The following PCDHGA10 variants were observed in gnomAD, a reference collection of about 807,000 sequenced individuals.
The protein encoded by PCDHGA10 is protocadherin gamma subfamily A, 10, also known as protocadherin gamma-A10.
PCDHGA10 carries 42 observed loss-of-function variants against 59.5 expected under a neutral mutation model. The ratio of observed to expected loss-of-function variants is 0.71; its 90% CI spans 0.55 to 0.91. The LOEUF (loss-of-function observed/expected upper bound fraction) is 0.91, where lower values mean the gene tolerates loss of function less well. Among genes scored for constraint, PCDHGA10 ranks in the 40% least tolerant of loss-of-function variants. The pLI, the probability that PCDHGA10 is intolerant of heterozygous loss-of-function variation, is 0.00. For synonymous variants in PCDHGA10, 511 were observed against 517.2 expected (o/e 0.99, Z 0.16); for missense variants, 1,111 against 1,198.2 (o/e 0.93, Z 1.07).
rs889945954 is a variant in PCDHGA10, at chr5:141,489,368, C to A, written c.2437-5439C>A. The A allele has an allele frequency of 2.5e-6, 4 of 1,613,384 alleles. No homozygotes were observed. Among genetic ancestry groups the A allele is most frequent in the Non-Finnish European group, 3.4e-6 (4 of 1,179,478 alleles). On this transcript the variant is annotated intron_variant, in intron 1 of 3. Coordinates refer to ENST00000398610, the MANE Select transcript of PCDHGA10 (RefSeq NM_018913.3). The surrounding 1 kb of genome is among the most constrained non-coding windows in gnomAD (Gnocchi z 4.5). ...GTGGTGGAGGAGTCTGAGCCGGGGA[C>A]GCTGGTGGGGAATGTTGCTCAGGAT...
intron 1 of PCDHGA10, chr5:141,418,958 G>A: frequency 4.3e-6 from 7 of 1,614,000 alleles, no homozygotes; most frequent in Non-Finnish European, 5.9e-6. Context: ...AGTGGTTGTT[G>A]CCCTCTTCAA....
rs11953770 is a variant in PCDHGA10 at position 141,510,741 on chromosome 5, C to T, written c.2585-206C>T. On this transcript the variant is annotated intron_variant, in intron 3 of 3. Coordinates refer to ENST00000398610, the MANE Select transcript of PCDHGA10 (RefSeq NM_018913.3). ...TAAGGAAAGGAGCTAGGAATCAAACCTAGACTTTCTCACTCCAGAGCCTCT... is the reference window on the plus strand; with the variant it reads ...TAAGGAAAGGAGCTAGGAATCAAACTTAGACTTTCTCACTCCAGAGCCTCT... Among the ~76,000 whole-genome samples the T allele has an allele frequency of 2.6e-5, 4 of 152,138 alleles. No homozygotes were observed. In the South Asian group the frequency reaches 8.3e-4, roughly 32 times the overall value.
intron 1 of PCDHGA10, chr5:141,430,693 C>A: frequency 1.4e-6 from 2 of 1,425,428 alleles, no homozygotes; most frequent in Admixed American, 2.6e-5. Context: ...ATTCTATGGG[C>A]GAAGGAACTG....
chr5:141,504,241 A>G (rs1282647590), intron 2 of PCDHGA10, among the ~76,000 whole-genome samples: 1 of 152,156 alleles, frequency 6.6e-6, no homozygotes, highest in Non-Finnish European at 1.5e-5. Flanking sequence ...AGAAGCAGAG[A>G]GTTCTTCTTA....
Position 141,489,565 on chromosome 5 carries a change from G to C in PCDHGA10, c.2437-5242G>C. The C allele has an allele frequency of 6.2e-7, 1 of 1,614,118 alleles. No homozygotes were observed. ...CAGCTGCCTGCTGCCAGTGCAGGTGGTGACTGAACACCCCCTGGAGCTAAT... is the reference window on the plus strand; with the variant it reads ...CAGCTGCCTGCTGCCAGTGCAGGTGCTGACTGAACACCCCCTGGAGCTAAT... On this transcript the variant is annotated intron_variant, in intron 1 of 3. Coordinates refer to ENST00000398610, the MANE Select transcript of PCDHGA10 (RefSeq NM_018913.3). This position sits in a 1 kb window ranked among gnomAD's most constrained non-coding sequence, Gnocchi z 4.5.
rs766191511 is a variant in PCDHGA10, at chr5:141,432,498, G to T, written c.2436+16887G>T. ...TCCACTGGCGTGGAGCTGGCTCCCC[G>T]CTCCGCAGAGCCCGGCTACCTGGTG... On this transcript the variant is annotated intron_variant, in intron 1 of 3. Coordinates refer to ENST00000398610, the MANE Select transcript of PCDHGA10 (RefSeq NM_018913.3). The surrounding 1 kb of genome is among the most constrained non-coding windows in gnomAD (Gnocchi z 6.0). The T allele has an allele frequency of 6.2e-7, 1 of 1,614,106 alleles. No homozygotes were observed. The highest frequency in any genetic ancestry group is 8.5e-7 in the Non-Finnish European group (1 of 1,180,052).
At chr5:141,430,021 T>C (rs2097257368) in intron 1 of PCDHGA10, among the ~76,000 whole-genome samples, 1 of 152,226 alleles carries the variant, frequency 6.6e-6, no homozygotes, top group Admixed American at 6.5e-5. Context: ...TGGGTTCTTG[T>C]TAAGTGTGAT....
intron 1 of PCDHGA10, chr5:141,478,906 C>T: frequency 1.1e-6 from 1 of 906,534 alleles, no homozygotes; most frequent in Non-Finnish European, 1.6e-6. Context: ...GAATAAGCTG[C>T]TGGATACCTC....
intron 1 of PCDHGA10, among the ~76,000 whole-genome samples, chr5:141,461,376 T>C (rs2099014225): frequency 6.6e-6 from 1 of 152,184 alleles, no homozygotes; most frequent in South Asian, 2.1e-4. Context: ...AATTTGCATT[T>C]TCCTGATGAT....
intron 1 of PCDHGA10, among the ~76,000 whole-genome samples, chr5:141,439,431 G>A (rs2154558488): frequency 6.6e-6 from 1 of 152,298 alleles, no homozygotes; most frequent in Non-Finnish European, 1.5e-5. Flanking sequence ...AAATTCCCAG[G>A]AATATTTTAT....
chr5:141,438,627 TATATATATACACACAC>T (rs1396288881), intron 1 of PCDHGA10, among the ~76,000 whole-genome samples: 69 of 48,002 alleles, frequency 1.4e-3, no homozygotes, highest in Admixed American at 2.8e-3. Flanking sequence ...TATATATATA[TATATATATACACACAC>T]ACACACACAT....
intron 1 of PCDHGA10, among the ~76,000 whole-genome samples, chr5:141,466,506 G>A (rs1417729031): frequency 6.6e-6 from 1 of 152,156 alleles, no homozygotes; most frequent in Non-Finnish European, 1.5e-5. Context: ...GCACAGACAA[G>A]ATCATTTTTT....
At position 141,487,010 on chromosome 5, in the gene PCDHGA10, GC is replaced by G. The variant is rs2099638172; in HGVS notation, c.2437-7793del. ...TTGGGTTTCCTATCAGCTCCTGGAG[GC>G]CCCAGATCCCAGCCTGTTTGCAGTC... is the stretch of plus-strand genomic sequence containing the variant. On this transcript the variant is annotated intron_variant, in intron 1 of 3. Coordinates refer to ENST00000398610, the MANE Select transcript of PCDHGA10 (RefSeq NM_018913.3). This position sits in a 1 kb window ranked among gnomAD's most constrained non-coding sequence, Gnocchi z 5.0. 6.2e-7 allele frequency: 1 copy of G among 1,614,096 alleles called. No individual in the cohort carries two copies. Among genetic ancestry groups the G allele is most frequent in the Non-Finnish European group, 8.5e-7 (1 of 1,180,056 alleles).
rs751024373 is a variant in PCDHGA10, at chr5:141,491,801, G to T, written c.2437-3006G>T. 1 of 1,500,844 alleles carries T rather than the reference G, an allele frequency of 6.7e-7. No homozygotes were observed. Among genetic ancestry groups the T allele is most frequent in the Non-Finnish European group, 8.9e-7 (1 of 1,125,292 alleles). 93.0% of individuals were successfully genotyped at this position (1,500,844 alleles called of 1,614,324 possible). ...AACTTGCATCCACTCCTCTCCGGCCGGCTTGGTCGCTGGCTGCGCTCCACC... is the reference window on the plus strand; with the variant it reads ...AACTTGCATCCACTCCTCTCCGGCCTGCTTGGTCGCTGGCTGCGCTCCACC... On this transcript the variant is annotated intron_variant, in intron 1 of 3. Transcript: ENST00000398610. This position sits in a 1 kb window ranked among gnomAD's most constrained non-coding sequence, Gnocchi z 6.9.
chr5:141,477,253 G>A lies in PCDHGA10; in HGVS notation c.2437-17554G>A, dbSNP rs1303718568. The A allele has an allele frequency of 1.9e-6, 3 of 1,614,154 alleles. No individual in the cohort carries two copies. The highest frequency in any genetic ancestry group is 2.2e-5 in the South Asian group (2 of 91,070). Reference sequence around the variant, plus strand: ...TCGCTTTGCTCAGTGTGACTGACCTGGATGCTGGCGAGAACGGGCTGGTGA... The same window carrying A: ...TCGCTTTGCTCAGTGTGACTGACCTAGATGCTGGCGAGAACGGGCTGGTGA... On this transcript the variant is annotated intron_variant, in intron 1 of 3. Transcript: ENST00000398610. This position sits in a 1 kb window ranked among gnomAD's most constrained non-coding sequence, Gnocchi z 4.9.
At chr5:141,501,290 TACACACACACACACACACACACACAC>T (rs55762287) in intron 2 of PCDHGA10, among the ~76,000 whole-genome samples, 1 of 136,164 alleles carries the variant, frequency 7.3e-6, no homozygotes, top group Non-Finnish European at 1.6e-5. Flanking sequence ...TATTCCCTTA[TACACACACACACACACACACACACAC>T]ACACACACAC....
At chr5:141,484,453 C>T (rs1212059469) in intron 1 of PCDHGA10, among the ~76,000 whole-genome samples, 1 of 152,160 alleles carries the variant, frequency 6.6e-6, no homozygotes. Flanking sequence ...TAATTGGCTA[C>T]GTTAATGTGT....
chr5:141,431,960 T>C lies in PCDHGA10; in HGVS notation c.2436+16349T>C. On this transcript the variant is annotated intron_variant, in intron 1 of 3. Transcript: ENST00000398610. This position sits in a 1 kb window ranked among gnomAD's most constrained non-coding sequence, Gnocchi z 4.8. ...TAAATTAGAAAAATCTTACGGAAAT[T>C]ACTATAGTTTAGTCACAGACATAGT... The C allele has an allele frequency of 3.7e-6, 6 of 1,614,166 alleles. No individual in the cohort carries two copies. Among genetic ancestry groups the C allele is most frequent in the Non-Finnish European group, 5.1e-6 (6 of 1,180,034 alleles).
Position 141,423,758 on chromosome 5 carries a change from GGGT to G in PCDHGA10, c.2436+8150_2436+8152del, listed in dbSNP as rs776356896. The G allele has an allele frequency of 7.0e-4, 256 of 366,834 alleles. 2 individuals are homozygous for G. The highest frequency in any genetic ancestry group is 6.8e-3 in the African/African-American group (232 of 34,230). The allele number at this position is 366,834 out of a possible 1,614,324, so 22.7% of individuals were successfully genotyped here. A position where few individuals can be genotyped will look rare whatever the true frequency, so the allele number is the denominator to read the frequency against. ...CTGTTATGAAAACTGTTTGGGGGGG[GGGT>G]GGGGCGGCATATATTTAGTTCATAT... On this transcript the variant is annotated intron_variant, in intron 1 of 3. Coordinates refer to ENST00000398610, the MANE Select transcript of PCDHGA10 (RefSeq NM_018913.3).
Sources: allele counts gnomAD v4.1 joint callset (sites outside exome capture counted in the v4.1 genomes callset), GRCh38; gene constraint gnomAD v4.1.1; non-coding constraint Gnocchi (gnomAD v3.1); transcripts MANE v1.5; gene names NCBI Gene and HGNC (gene_info 2026-07-23, HGNC 2026-07-21).